The following ZNF112 variants were observed in gnomAD, a reference collection of about 807,000 sequenced individuals.
ZNF112 encodes zinc finger protein 112.
ZNF112 carries 37 observed loss-of-function variants against 77.7 expected under a neutral mutation model. The ratio of observed to expected loss-of-function variants is 0.48; its 90% CI spans 0.37 to 0.63. The LOEUF (loss-of-function observed/expected upper bound fraction) is 0.63. ZNF112 is among the 20% of genes least tolerant of loss of function. The pLI, the probability that ZNF112 is intolerant of heterozygous loss-of-function variation, is 0.00. For synonymous variants in ZNF112, 333 were observed against 363.6 expected, an observed-to-expected ratio of 0.92 and a Z score of 0.96; for missense variants, 950 against 1,077.4, an observed-to-expected ratio of 0.88 and a Z score of 1.66.
rs776374477 is a variant in ZNF112 at position 44,328,400 on chromosome 19, C to A, written c.1757G>T (p.Arg586Leu). 2 of 1,613,492 alleles carry A rather than the reference C, an allele frequency of 1.2e-6. No individual in the cohort carries two copies. Among genetic ancestry groups the A allele is most frequent in the Non-Finnish European group, 1.7e-6 (2 of 1,179,862 alleles). ...KCEECGKGFSRNSYLQGHQRV... is the reference protein window; with the variant it reads ...KCEECGKGFSLNSYLQGHQRV... ...CTGATGGCCTTGAAGGTATGAATTT[C>A]GACTGAACCCCTTCCCACATTCCTC... Residue 586 changes from arginine (R) to leucine (L), a missense_variant, in exon 4 of 4, where the codon CGA becomes CTA. Arg to Leu is a moderately radical substitution (Grantham distance 102). This residue lies in a region of ZNF112 where 373 missense variants were observed against 482.8 expected (regional missense o/e 0.77). Coordinates refer to ENST00000354340, the MANE Select transcript of ZNF112 (RefSeq NM_013380.4).
Position 44,329,681 on chromosome 19 carries a change from C to G in ZNF112, c.476G>C (p.Gly159Ala), listed in dbSNP as rs1479837190. Reference sequence around the variant, plus strand: ...CCCTTGACTTTTTATATAATTGGAGCCATTCCCTATATGAGTGAATATATA... The same window carrying G: ...CCCTTGACTTTTTATATAATTGGAGGCATTCCCTATATGAGTGAATATATA... Reference protein sequence around the residue: ...KNYIFTHIGNGSNYIKSQGYP... With the variant: ...KNYIFTHIGNASNYIKSQGYP... Residue 159 changes from glycine (G) to alanine (A), a missense_variant, in exon 4 of 4, where the codon GGC (glycine) becomes GCC (alanine). Around this residue, in one of 3 missense-constraint regions of ZNF112, gnomAD observed 560 missense variants for 557.3 expected, o/e 1.00. Coordinates refer to ENST00000354340, the MANE Select transcript of ZNF112 (RefSeq NM_013380.4). The G allele has an allele frequency of 1.2e-6, 2 of 1,614,014 alleles. No homozygotes were observed. The highest frequency in any genetic ancestry group is 1.3e-5 in the African/African-American group (1 of 74,918).
At chr19:44,331,700 T>C (rs1970273147) in intron 3 of ZNF112, among the ~76,000 whole-genome samples, 1 of 152,224 alleles carries the variant, frequency 6.6e-6, no homozygotes, top group South Asian at 2.1e-4. Context: ...ACTGCATTCC[T>C]TTCACTGCCA....
chr19:44,332,662 T>C (rs907824252), intron 3 of ZNF112, among the ~76,000 whole-genome samples: 3 of 152,312 alleles, frequency 2.0e-5, no homozygotes, highest in African/African-American at 7.2e-5. Flanking sequence ...CTTGAGAACA[T>C]GAAAGTAGCT....
At chr19:44,366,340 T>G (rs772070522) in intron 1 of ZNF112, among the ~76,000 whole-genome samples, 16 of 152,188 alleles carry the variant, frequency 1.1e-4, no homozygotes, top group Non-Finnish European at 2.1e-4. Flanking sequence ...CTCCTTTTTT[T>G]TCCAGTATAA....
upstream of ZNF112, among the ~76,000 whole-genome samples, chr19:44,359,395 T>C (rs1568680584): frequency 7.0e-6 from 1 of 142,922 alleles, no homozygotes; most frequent in Non-Finnish European, 1.5e-5. Context: ...GCCATCTCGG[T>C]TCACTGCAAC....
chr19:44,334,995 CACCAA>C (rs1418644191), intron 3 of ZNF112, among the ~76,000 whole-genome samples: 1 of 152,216 alleles, frequency 6.6e-6, no homozygotes, highest in Non-Finnish European at 1.5e-5. Flanking sequence ...ACCCCAGACC[CACCAA>C]CAGCTTCCAC....
intron 2 of ZNF112, among the ~76,000 whole-genome samples, chr19:44,337,048 T>G (rs1970382315): frequency 6.6e-6 from 1 of 150,964 alleles, no homozygotes; most frequent in Admixed American, 6.6e-5. Flanking sequence ...CAGCTAAATT[T>G]TTTGTAGAGA....
chr19:44,343,295 G>A (rs373726740), intron 1 of ZNF112: 6 of 1,611,902 alleles, frequency 3.7e-6, no homozygotes, highest in Non-Finnish European at 4.2e-6. Context: ...CTAGAGAAAG[G>A]CAGAGACCTG....
intron 1 of ZNF112, among the ~76,000 whole-genome samples, chr19:44,353,369 C>CA (rs1486755226): frequency 6.6e-6 from 1 of 151,736 alleles, no homozygotes; most frequent in Non-Finnish European, 1.5e-5. Flanking sequence ...AAGCACAATC[C>CA]AAAAAAGATA....
chr19:44,366,498 TCA>T (rs879340201), intron 1 of ZNF112, among the ~76,000 whole-genome samples: 27 of 152,064 alleles, frequency 1.8e-4, no homozygotes, highest in Non-Finnish European at 4.0e-4. Flanking sequence ...TAAGTCACAC[TCA>T]GTTAAGGTTC....
chr19:44,337,372 T>C (rs1208873155), intron 2 of ZNF112, among the ~76,000 whole-genome samples: 49 of 58,858 alleles, frequency 8.3e-4, no homozygotes, highest in African/African-American at 3.7e-3. Context: ...TTATTATATA[T>C]ATTTTATATA....
At chr19:44,351,405 C>A (rs1970689328) in intron 1 of ZNF112, among the ~76,000 whole-genome samples, 1 of 152,084 alleles carries the variant, frequency 6.6e-6, no homozygotes. Context: ...CAATTAAAAT[C>A]ATTTGCTTAT....
intron 3 of ZNF112, 142 bp downstream of exon 3, chr19:44,336,481 T>C: frequency 1.5e-6 from 1 of 656,324 alleles, no homozygotes; most frequent in Non-Finnish European, 2.7e-6. Context: ...CCTTAGGACC[T>C]AATAGACCAC....
chr19:44,335,206 G>A lies in ZNF112; in HGVS notation c.220+1417C>T, dbSNP rs1970344071. ...CTGAGATTTAATGACTGCCCTGCTG[G>A]GTTTCAGATTGGCATGGGGCCTGCA... On this transcript the variant is annotated intron_variant, in intron 3 of 3. Coordinates refer to ENST00000354340, the MANE Select transcript of ZNF112 (RefSeq NM_013380.4). Among the ~76,000 whole-genome samples the A allele has an allele frequency of 2.0e-5, 3 of 152,256 alleles. No homozygotes were observed. In the South Asian group the frequency reaches 6.2e-4, roughly 32 times the overall value.
rs758277354 is a variant in ZNF112, at chr19:44,327,586, A to G, written c.2571T>C (p.Cys857=). Reference sequence around the variant, plus strand: ...AACGGAAACCCTTACCACATGCATCACATTTGTATGGTTTCTCTCCTGTGT... The same window carrying G: ...AACGGAAACCCTTACCACATGCATCGCATTTGTATGGTTTCTCTCCTGTGT... The part of the protein sequence containing the change: ...RVHTGEKPYK[C]DACGKGFRWS... The change falls in exon 4 of 4, where the codon TGT becomes TGC. Residue 857 remains cysteine (C), a synonymous_variant. Transcript: ENST00000354340. 1 of 1,614,092 alleles carries G rather than the reference A, an allele frequency of 6.2e-7. No homozygotes were observed. The highest frequency in any genetic ancestry group is 1.1e-5 in the South Asian group (1 of 91,080).
upstream of ZNF112, among the ~76,000 whole-genome samples, chr19:44,359,214 T>G (rs1416177108): frequency 3.3e-5 from 5 of 151,916 alleles, no homozygotes; most frequent in Non-Finnish European, 7.4e-5. Context: ...TAAGTTTTAG[T>G]AATTCTGGTC....
chr19:44,336,975 T>C (rs1970380807), intron 2 of ZNF112, among the ~76,000 whole-genome samples: 1 of 151,340 alleles, frequency 6.6e-6, no homozygotes, highest in Non-Finnish European at 1.5e-5. Flanking sequence ...ACCCCTGGGC[T>C]CAAGCAATCC....
intron 1 of ZNF112, among the ~76,000 whole-genome samples, chr19:44,354,721 G>A (rs1836273): frequency 0.32 from 48,461 of 151,990 alleles, 10,738 homozygotes; most frequent in African/African-American, 0.63. Flanking sequence ...ATGGAGAAAA[G>A]TATGACATGG....
At chr19:44,355,436 T>A (rs1480160549) in intron 1 of ZNF112, among the ~76,000 whole-genome samples, 1 of 152,218 alleles carries the variant, frequency 6.6e-6, no homozygotes, top group Non-Finnish European at 1.5e-5. Flanking sequence ...AAATTACAGA[T>A]AATTTTAAAA....
Sources: allele counts gnomAD v4.1 joint callset (sites outside exome capture counted in the v4.1 genomes callset), GRCh38; gene constraint gnomAD v4.1.1; regional missense constraint gnomAD v4.1.1; transcripts MANE v1.5; gene names NCBI Gene and HGNC (gene_info 2026-07-23, HGNC 2026-07-21).